HMMR: variants seen among roughly 807,000 people sequenced by gnomAD.
HMMR encodes the protein hyaluronan mediated motility receptor, also known as intracellular hyaluronic acid-binding protein.
In HMMR, 108 loss-of-function variants were observed where a neutral mutation model predicts 101.0. The ratio of observed to expected loss-of-function variants is 1.07; its 90% CI spans 0.92 to 1.25. HMMR has a LOEUF of 1.25. Among genes scored for constraint, HMMR ranks in the 50% most tolerant of loss-of-function variants. The probability of loss-of-function intolerance (pLI) is 0.00; values close to 1 mark genes in which losing one functional copy is unlikely to be tolerated. For missense variants in HMMR, 813 were observed against 788.7 expected, an observed-to-expected ratio of 1.03 and a Z score of -0.37; for synonymous variants, 296 against 276.4, an observed-to-expected ratio of 1.07 and a Z score of -0.70.
Position 163,469,744 on chromosome 5 carries a change from A to G in HMMR, c.377A>G (p.Glu126Gly), listed in dbSNP as rs143396502. The G allele has an allele frequency of 6.8e-6, 11 of 1,612,998 alleles. No homozygotes were observed. The highest frequency in any genetic ancestry group is 6.7e-5 in the African/African-American group (5 of 74,904). ...MEARLNAALR[E>G]KTSLSANNAT... ...GCAAGGCTAAATGCTGCACTAAGGG[A>G]AAAAACATCTCTCTCTGCAAATAAT... is the stretch of plus-strand genomic sequence containing the variant. The change falls in exon 5 of 18, where the codon GAA becomes GGA. Residue 126 changes from glutamate to glycine, a missense_variant. Coordinates refer to ENST00000393915, the MANE Select transcript of HMMR (RefSeq NM_001142556.2).
At chr5:163,478,588 C>T (rs985335737) in intron 11 of HMMR, 96 bp from the exon 12 acceptor site, 1 of 753,494 alleles carries the variant, frequency 1.3e-6, no homozygotes, top group African/African-American at 1.7e-5. Flanking sequence ...AAGATATGAG[C>T]TATATGATTC....
chr5:163,470,550 G>A (rs1388139776), intron 5 of HMMR, among the ~76,000 whole-genome samples: 8 of 152,206 alleles, frequency 5.3e-5, no homozygotes, highest in Non-Finnish European at 8.8e-5. Context: ...TTGAACTCGG[G>A]AGGCTGAGGC....
intron 11 of HMMR, among the ~76,000 whole-genome samples, chr5:163,477,525 G>A (rs1759108710): frequency 6.6e-6 from 1 of 152,048 alleles, no homozygotes; most frequent in East Asian, 1.9e-4. Context: ...TGTAATTAGG[G>A]GTGTTGTTCT....
At chr5:163,485,579 T>C (rs570312643) in intron 16 of HMMR, among the ~76,000 whole-genome samples, 1 of 152,340 alleles carries the variant, frequency 6.6e-6, no homozygotes, top group Non-Finnish European at 1.5e-5. Flanking sequence ...AAGTCTCTTA[T>C]GTATTATTTG....
intron 12 of HMMR, among the ~76,000 whole-genome samples, chr5:163,479,305 C>T (rs2113494766): frequency 6.6e-6 from 1 of 152,252 alleles, no homozygotes; most frequent in South Asian, 2.1e-4. Context: ...TTTGTTTTCT[C>T]ATAATTTGAA....
chr5:163,469,366 A>C (rs1758798565), intron 4 of HMMR, among the ~76,000 whole-genome samples: 1 of 36,060 alleles, frequency 2.8e-5, no homozygotes, highest in East Asian at 8.2e-4. Flanking sequence ...GCAAGACTCC[A>C]TCTCAAAAAA....
At chr5:163,461,811 G>A (rs1007405278) in intron 1 of HMMR, among the ~76,000 whole-genome samples, 1 of 151,894 alleles carries the variant, frequency 6.6e-6, no homozygotes. Flanking sequence ...CTGTATGCTG[G>A]GACTGTGCTA....
At position 163,474,123 on chromosome 5, in the gene HMMR, A is replaced by G; in HGVS notation, c.971A>G (p.Gln324Arg). ...AATGCAGAGATGCAAAACTTAAAAC[A>G]GAAGTTTATTCTTGAACAACAGGAA... ...NLNAEMQNLK[Q>R]KFILEQQERE... Residue 324 changes from glutamine (Q) to arginine (R), a missense_variant, in exon 10 of 18, where the codon CAG (glutamine) becomes CGG (arginine). Physicochemically the swap from Gln to Arg is conservative, Grantham distance 43. Coordinates refer to ENST00000393915, the MANE Select transcript of HMMR (RefSeq NM_001142556.2). 6.2e-7 allele frequency: 1 copy of G among 1,611,366 alleles called. No homozygotes were observed. The highest frequency in any genetic ancestry group is 8.5e-7 in the Non-Finnish European group (1 of 1,178,042).
At chr5:163,488,497 T>C (rs1201997829) in intron 16 of HMMR, among the ~76,000 whole-genome samples, 2 of 152,168 alleles carry the variant, frequency 1.3e-5, no homozygotes, top group Non-Finnish European at 2.9e-5. Flanking sequence ...TTGGGGGCTT[T>C]TTATTTGCTT....
rs1759040698 is a variant in HMMR, at chr5:163,475,561, T to G, written c.1157T>G (p.Leu386Arg). 3 of 1,612,090 alleles carry G rather than the reference T, an allele frequency of 1.9e-6. No homozygotes were observed. The East Asian group carries it at 6.7e-5, about 36-fold the overall frequency. ...GAATTAAAGCAAACACTGGATGAGCTTGATAAATTACAGCAAAAGGAGGAA... is the reference window on the plus strand; with the variant it reads ...GAATTAAAGCAAACACTGGATGAGCGTGATAAATTACAGCAAAAGGAGGAA... ...EEELKQTLDE[L>R]DKLQQKEEQA... is the part of the protein sequence containing the mutation. Residue 386 changes from leucine (L) to arginine (R), a missense_variant, in exon 11 of 18, where the codon CTT becomes CGT. By Grantham distance (102) the Leu-to-Arg change is moderately radical. Transcript: ENST00000393915.
At chr5:163,482,994 G>C in intron 13 of HMMR, 26 bp from the exon 14 acceptor site, 2 of 1,552,032 alleles carry the variant, frequency 1.3e-6, no homozygotes, top group Non-Finnish European at 1.7e-6. Context: ...AAAATGTTTA[G>C]TGACCTCTTC....
intron 11 of HMMR, among the ~76,000 whole-genome samples, chr5:163,476,885 G>A (rs920016990): frequency 1.3e-5 from 2 of 152,050 alleles, no homozygotes; most frequent in South Asian, 2.1e-4. Flanking sequence ...TAGTAAATTA[G>A]CCTGGCATCG....
intron 10 of HMMR, chr5:163,474,660 A>T (rs1433218834): frequency 2.3e-6 from 1 of 441,860 alleles, no homozygotes; most frequent in Non-Finnish European, 4.5e-6. Context: ...GCCTGTAAAT[A>T]TAGAAAGATA....
intron 1 of HMMR, among the ~76,000 whole-genome samples, chr5:163,463,344 G>T (rs919680647): frequency 6.6e-6 from 1 of 152,204 alleles, no homozygotes; most frequent in Non-Finnish European, 1.5e-5. Flanking sequence ...TTGCTCTAGT[G>T]TGGTTGCTTT....
chr5:163,465,420 G>T (rs1251766123), intron 3 of HMMR, among the ~76,000 whole-genome samples: 1 of 152,036 alleles, frequency 6.6e-6, no homozygotes, highest in Non-Finnish European at 1.5e-5. Flanking sequence ...TGCAGCCTCT[G>T]TCCCCACAGG....
intron 1 of HMMR, among the ~76,000 whole-genome samples, chr5:163,462,743 G>T (rs1185436289): frequency 6.8e-6 from 1 of 146,866 alleles, no homozygotes; most frequent in Non-Finnish European, 1.5e-5. Flanking sequence ...CAGGAGAATC[G>T]CTTGAACCCA....
chr5:163,481,198 C>G (rs147864130), intron 12 of HMMR, among the ~76,000 whole-genome samples: 1 of 151,868 alleles, frequency 6.6e-6, no homozygotes, highest in African/African-American at 2.4e-5. Flanking sequence ...TCTGTTCCCA[C>G]ATGTGATACA....
intron 16 of HMMR, among the ~76,000 whole-genome samples, chr5:163,487,206 A>G (rs1373873955): frequency 2.6e-5 from 4 of 152,202 alleles, no homozygotes; most frequent in Non-Finnish European, 5.9e-5. Flanking sequence ...TGAGATTATC[A>G]TGTAATTTTT....
Position 163,473,572 on chromosome 5 carries a change from T to C in HMMR, c.904+15T>C, listed in dbSNP as rs542601250. 6.7e-7 allele frequency: 1 copy of C among 1,495,482 alleles called. No individual in the cohort carries two copies. Among genetic ancestry groups the C allele is most frequent in the Non-Finnish European group, 9.1e-7 (1 of 1,102,262 alleles). 92.6% of individuals were successfully genotyped at this position (1,495,482 alleles called of 1,614,324 possible). ...AAAAGAAAAAGGTATTACAGTGTTT[T>C]ATAGTTACTTTGTTTAGATAAGTGT... On this transcript the variant is annotated intron_variant, in intron 9 of 17. Transcript: ENST00000393915.
Sources: allele counts gnomAD v4.1 joint callset (sites outside exome capture counted in the v4.1 genomes callset), GRCh38; gene constraint gnomAD v4.1.1; transcripts MANE v1.5; gene names NCBI Gene and HGNC (gene_info 2026-07-23, HGNC 2026-07-21).